EYS: variants seen among roughly 807,000 people sequenced by gnomAD.
EYS encodes the protein EGF-like photoreceptor maintenance factor.
EYS carries 250 observed loss-of-function variants against 282.1 expected under a neutral mutation model. The observed-to-expected ratio is 0.89, with a 90% CI of 0.80 to 0.98. The LOEUF (loss-of-function observed/expected upper bound fraction) is 0.98, where lower values mean the gene tolerates loss of function less well. Ranked by LOEUF, EYS falls within the 50% of genes least tolerant of loss-of-function variation. The pLI, the probability that EYS is intolerant of heterozygous loss-of-function variation, is 0.00. For synonymous variants in EYS, 1,355 were observed against 1,282.9 expected, an observed-to-expected ratio of 1.06 and a Z score of -1.20; for missense variants, 4,016 against 3,709.0, an observed-to-expected ratio of 1.08 and a Z score of -2.15.
At chr6:65,178,579 C>A (rs1765289599) in intron 12 of EYS, among the ~76,000 whole-genome samples, 1 of 151,950 alleles carries the variant, frequency 6.6e-6, no homozygotes, top group South Asian at 2.1e-4. Flanking sequence ...GAGTGACCTA[C>A]AAAGAGACTT....
intron 5 of EYS, among the ~76,000 whole-genome samples, chr6:65,436,186 A>C (rs1393954670): frequency 6.6e-6 from 1 of 152,214 alleles, no homozygotes; most frequent in African/African-American, 2.4e-5. Flanking sequence ...ATCATGGCTC[A>C]TCTTTTTGGA....
At chr6:65,427,221 T>C (rs971180510) in intron 5 of EYS, among the ~76,000 whole-genome samples, 42 of 152,058 alleles carry the variant, frequency 2.8e-4, no homozygotes, top group African/African-American at 9.7e-4. Context: ...TAGTTATTCT[T>C]TGGCCTTCCA....
At chr6:63,730,440 A>G (rs1025466118) in intron 41 of EYS, among the ~76,000 whole-genome samples, 1 of 152,206 alleles carries the variant, frequency 6.6e-6, no homozygotes, top group East Asian at 1.9e-4. Context: ...GGAGCTTTGC[A>G]TGATTTGGCC....
intron 14 of EYS, among the ~76,000 whole-genome samples, chr6:64,963,632 T>G (rs1024728978): frequency 1.3e-5 from 2 of 152,120 alleles, no homozygotes. Context: ...AGTGGTAAAT[T>G]AGTGAGGAAG....
chr6:64,301,111 C>G (rs1769217485), intron 30 of EYS, among the ~76,000 whole-genome samples: 2 of 152,196 alleles, frequency 1.3e-5, no homozygotes, highest in South Asian at 4.1e-4. Flanking sequence ...ACAGATGTCT[C>G]CTCCTTGGAA....
chr6:64,565,308 T>C (rs760635569), intron 26 of EYS, among the ~76,000 whole-genome samples: 1 of 152,182 alleles, frequency 6.6e-6, no homozygotes, highest in African/African-American at 2.4e-5. Context: ...TTCTTAGTAG[T>C]TTCACAGTTT....
intron 12 of EYS, among the ~76,000 whole-genome samples, chr6:65,203,203 A>G (rs537809218): frequency 2.0e-4 from 31 of 152,312 alleles, no homozygotes; most frequent in African/African-American, 7.2e-4. Flanking sequence ...TGCATGGCCC[A>G]TCACAACTGC....
chr6:65,591,603 A>AT (rs1353182279), intron 2 of EYS, among the ~76,000 whole-genome samples: 1 of 151,834 alleles, frequency 6.6e-6, no homozygotes, highest in East Asian at 1.9e-4. Context: ...TAATGCAAAA[A>AT]TTTCTTCTGA....
intron 15 of EYS, among the ~76,000 whole-genome samples, chr6:64,920,756 C>T (rs115022480): frequency 3.7e-4 from 57 of 152,170 alleles, no homozygotes; most frequent in African/African-American, 1.3e-3. Context: ...TATACCTACA[C>T]ATATATTTTT....
intron 12 of EYS, among the ~76,000 whole-genome samples, chr6:65,110,821 A>G (rs866487183): frequency 5.3e-5 from 8 of 152,198 alleles, no homozygotes; most frequent in African/African-American, 1.9e-4. Context: ...AGTATAAAAA[A>G]TCATTGAAGA....
intron 15 of EYS, among the ~76,000 whole-genome samples, chr6:64,934,315 G>A: frequency 6.6e-6 from 1 of 151,646 alleles, no homozygotes; most frequent in East Asian, 2.0e-4. Flanking sequence ...ACTCACATAT[G>A]AGTTCCAAAA....
intron 12 of EYS, among the ~76,000 whole-genome samples, chr6:65,079,216 T>C (rs1446774768): frequency 6.6e-6 from 1 of 152,072 alleles, no homozygotes; most frequent in Non-Finnish European, 1.5e-5. Context: ...AAAAAGTGAA[T>C]TTTATTTAAT....
At chr6:64,778,531 T>C (rs1241580350) in intron 22 of EYS, among the ~76,000 whole-genome samples, 1 of 152,188 alleles carries the variant, frequency 6.6e-6, no homozygotes, top group African/African-American at 2.4e-5. Context: ...TTCTTGTTCG[T>C]TGGCTGCTTC....
intron 35 of EYS, among the ~76,000 whole-genome samples, chr6:63,905,429 A>G (rs1581959503): frequency 6.9e-6 from 1 of 144,960 alleles, no homozygotes; most frequent in Non-Finnish European, 1.5e-5. Flanking sequence ...TCCCAGGTTC[A>G]CGCCATTCTC....
At chr6:64,164,534 G>T (rs886092271) in intron 31 of EYS, among the ~76,000 whole-genome samples, 15 of 152,018 alleles carry the variant, frequency 9.9e-5, no homozygotes, top group African/African-American at 3.6e-4. Flanking sequence ...TATCTCCTTT[G>T]CACTATACTA....
chr6:64,178,739 A>G (rs1171109590), intron 31 of EYS, among the ~76,000 whole-genome samples: 2 of 151,978 alleles, frequency 1.3e-5, no homozygotes, highest in African/African-American at 2.4e-5. Context: ...GCAGTGAAAT[A>G]AAAGCACCAA....
chr6:65,291,979 G>A (rs1469299875), intron 12 of EYS, among the ~76,000 whole-genome samples: 1 of 151,508 alleles, frequency 6.6e-6, no homozygotes, highest in South Asian at 2.1e-4. Flanking sequence ...TATGAAGAGA[G>A]GGATGTACAT....
chr6:65,106,629 G>A (rs553175593), intron 12 of EYS, among the ~76,000 whole-genome samples: 35 of 151,982 alleles, frequency 2.3e-4, no homozygotes, highest in African/African-American at 8.0e-4. Context: ...ATCATGAAGC[G>A]TCCTTATATA....
chr6:64,092,143 G>A (rs1485652072), intron 31 of EYS, among the ~76,000 whole-genome samples: 1 of 152,124 alleles, frequency 6.6e-6, no homozygotes, highest in African/African-American at 2.4e-5. Flanking sequence ...TCTTAATCCA[G>A]TCTATCATTG....
Sources: allele counts gnomAD v4.1 joint callset (sites outside exome capture counted in the v4.1 genomes callset), GRCh38; gene constraint gnomAD v4.1.1; transcripts MANE v1.5; gene names NCBI Gene and HGNC (gene_info 2026-07-23, HGNC 2026-07-21).